Variants in SCUBE1 observed in about 807,000 individuals in gnomAD.
SCUBE1 encodes the protein signal peptide, CUB and EGF-like domain-containing protein 1.
In SCUBE1, 59 loss-of-function variants were observed where a neutral mutation model predicts 124.4. The observed-to-expected ratio is 0.47, with a 90% CI of 0.38 to 0.59. The LOEUF (loss-of-function observed/expected upper bound fraction) is 0.59, where lower values mean the gene tolerates loss of function less well. Among genes scored for constraint, SCUBE1 ranks in the 20% least tolerant of loss-of-function variants. SCUBE1 has a pLI of 0.00. For synonymous variants in SCUBE1, 545 were observed against 550.9 expected (o/e 0.99, Z 0.15); for missense variants, 1,150 against 1,371.2 (o/e 0.84, Z 2.55).
intron 3 of SCUBE1, among the ~76,000 whole-genome samples, chr22:43,315,328 A>C (rs1926307142): frequency 6.6e-6 from 1 of 151,984 alleles, no homozygotes; most frequent in Non-Finnish European, 1.5e-5. Context: ...ACAGGTCCCG[A>C]ACTATAAAAC....
intron 3 of SCUBE1, among the ~76,000 whole-genome samples, chr22:43,293,754 C>T (rs547652334): frequency 1.0e-3 from 156 of 152,336 alleles, no homozygotes; most frequent in Non-Finnish European, 6.8e-4. Context: ...TCTCAGATTC[C>T]CTGCTCTGCG....
intron 16 of SCUBE1, 133 bp from the exon 17 acceptor site, chr22:43,212,725 G>C: frequency 1.1e-6 from 1 of 873,010 alleles, no homozygotes; most frequent in Non-Finnish European, 1.7e-6. Context: ...CCTGGGGTGG[G>C]GACGGGGTGG....
intron 7 of SCUBE1, among the ~76,000 whole-genome samples, chr22:43,236,513 G>C (rs1922768313): frequency 6.6e-6 from 1 of 152,312 alleles, no homozygotes; most frequent in East Asian, 1.9e-4. Context: ...GAAAACCTGG[G>C]TGTGAGCCTC....
chr22:43,322,667 G>A (rs192532338), intron 2 of SCUBE1, among the ~76,000 whole-genome samples: 213 of 152,230 alleles, frequency 1.4e-3, no homozygotes, highest in African/African-American at 4.5e-3. Flanking sequence ...CTTCAAGCAG[G>A]TGATTCAGGG....
chr22:43,227,573 A>AAGAGGGCAAGAATCTCCTGACCCCACCG, intron 9 of SCUBE1, 77 bp from the exon 10 acceptor site: 1 of 1,563,988 alleles, frequency 6.4e-7, no homozygotes, highest in Non-Finnish European at 8.7e-7. Context: ...CACCCAGGGC[A>AAGAGGGCAAGAATCTCCTGACCCCACCG]AGAGGGCAAG....
Position 43,291,172 on chromosome 22 carries a change from C to A in SCUBE1, c.358G>T (p.Glu120Ter). 1.2e-6 allele frequency: 2 copies of A among 1,607,118 alleles called. No homozygotes were observed. The highest frequency in any genetic ancestry group is 1.7e-6 in the Non-Finnish European group (2 of 1,174,088). ...HDGHNCLDVD[E>*]CQDNNGGCQQ... Reference sequence around the variant, plus strand: ...CAGCCACCATTATTGTCCTGACACTCGTCCACATCTGTGAGAAAAGGAAGA... The same window carrying A: ...CAGCCACCATTATTGTCCTGACACTAGTCCACATCTGTGAGAAAAGGAAGA... Residue 120 changes from glutamate (E) to a stop codon, truncating the protein, a stop_gained, in exon 4 of 22, where the codon GAG (glutamate) becomes TAG (stop). Transcript: ENST00000360835. LOFTEE classifies it high-confidence loss of function.
chr22:43,214,728 C>T (rs921140160), intron 15 of SCUBE1, among the ~76,000 whole-genome samples: 3 of 152,136 alleles, frequency 2.0e-5, no homozygotes, highest in Admixed American at 6.5e-5. Context: ...GCCTGGCGGG[C>T]GAGGTGGGAG....
chr22:43,214,051 A>ACCCCCCCCC, intron 16 of SCUBE1, 39 bp downstream of exon 16: 2 of 137,780 alleles, frequency 1.5e-5, no homozygotes, highest in Non-Finnish European at 1.4e-5. Flanking sequence ...GCCCCCGCCC[A>ACCCCCCCCC]CCCCCCACCC....
chr22:43,258,578 G>A lies in SCUBE1; in HGVS notation c.611-243C>T, dbSNP rs1015179251. ...GGTGGGACAGAATGGACTTGGGGTC[G>A]TCTGGGCTTTGATCAGAGCAGGCAC... On this transcript the variant is annotated intron_variant, in intron 5 of 21. Coordinates refer to ENST00000360835, the MANE Select transcript of SCUBE1 (RefSeq NM_173050.5). The surrounding 1 kb of genome is among the most constrained non-coding windows in gnomAD (Gnocchi z 5.0). Among the ~76,000 whole-genome samples, 5 of 152,278 alleles carry A rather than the reference G, an allele frequency of 3.3e-5. No individual in the cohort carries two copies. The highest frequency in any genetic ancestry group is 1.3e-4 in the Admixed American group (2 of 15,300).
intron 7 of SCUBE1, among the ~76,000 whole-genome samples, chr22:43,236,171 C>G (rs1430369060): frequency 2.0e-5 from 3 of 152,222 alleles, no homozygotes; most frequent in African/African-American, 7.2e-5. Flanking sequence ...ACCGAGGAAC[C>G]AAACCCTGGG....
At chr22:43,291,231 C>T (rs1181975978) in intron 3 of SCUBE1, 51 bp from the exon 4 acceptor site, 1 of 1,582,636 alleles carries the variant, frequency 6.3e-7, no homozygotes, top group African/African-American at 1.3e-5. Flanking sequence ...AAGTTGGAAG[C>T]AGGGCATGAG....
rs138017785 is a variant in SCUBE1, at chr22:43,325,974, C to T, written c.221-5909G>A. 6.6e-5 allele frequency among the ~76,000 whole-genome samples: 10 copies of T among 151,022 alleles called. No individual in the cohort carries two copies. In the East Asian group the frequency reaches 1.9e-3, roughly 29 times the overall value. On this transcript the variant is annotated intron_variant, in intron 2 of 21. Coordinates refer to ENST00000360835, the MANE Select transcript of SCUBE1 (RefSeq NM_173050.5). ...TCATTTAATTCAAAATTGATTCTTG[C>T]TGCTTCATAAAATATACATTTACTC...
intron 14 of SCUBE1, among the ~76,000 whole-genome samples, chr22:43,219,480 CT>C (rs139001): frequency 2.3e-3 from 332 of 144,464 alleles, no homozygotes; most frequent in Middle Eastern, 7.1e-3. Flanking sequence ...AAAACATTTC[CT>C]TTTTTTTTTT....
intron 9 of SCUBE1, among the ~76,000 whole-genome samples, chr22:43,228,229 T>C (rs1026514493): frequency 2.6e-5 from 4 of 152,164 alleles, no homozygotes; most frequent in African/African-American, 9.7e-5. Context: ...GGCTTCCTAA[T>C]CTTCACCCAC....
In SCUBE1 at chr22:43,203,810, G is replaced by A. The variant is rs1921104335; in HGVS notation, c.*187C>T. 1 of 584,980 alleles carries A rather than the reference G, an allele frequency of 1.7e-6. No homozygotes were observed. Among genetic ancestry groups the A allele is most frequent in the African/African-American group, 1.9e-5 (1 of 52,714 alleles). The allele number at this position is 584,980 out of a possible 1,614,324, so 36.2% of individuals were successfully genotyped here. The stretch of plus-strand genomic sequence containing the variant: ...GAGGGAGGGAGGCTTCCTGAAGCAG[G>A]GTGCTCCCACAGGGGCAGCGGGTCC... On this transcript the variant is annotated 3_prime_UTR_variant, in exon 22 of 22. Coordinates refer to ENST00000360835, the MANE Select transcript of SCUBE1 (RefSeq NM_173050.5).
Position 43,327,024 on chromosome 22 carries a change from C to T in SCUBE1, c.221-6959G>A, listed in dbSNP as rs193302155. ...AATCCATGAGAACGAGAACTGTGTC[C>T]TGTGCAGCTTGAGCCTCAGAAACGA... On this transcript the variant is annotated intron_variant, in intron 2 of 21. Transcript: ENST00000360835. Among the ~76,000 whole-genome samples the T allele has an allele frequency of 5.3e-5, 8 of 152,270 alleles. No individual in the cohort carries two copies. In the East Asian group the frequency reaches 1.5e-3, roughly 29 times the overall value.
chr22:43,302,412 C>A (rs991775195), intron 3 of SCUBE1, among the ~76,000 whole-genome samples: 7 of 152,194 alleles, frequency 4.6e-5, no homozygotes, highest in Non-Finnish European at 1.5e-5. Context: ...GATCCCCTAC[C>A]GAACTACATT....
At chr22:43,331,853 G>A (rs1383493796) in intron 2 of SCUBE1, among the ~76,000 whole-genome samples, 2 of 152,206 alleles carry the variant, frequency 1.3e-5, no homozygotes, top group Non-Finnish European at 2.9e-5. Context: ...CCATGCCCCA[G>A]GGGCCGGATG....
intron 6 of SCUBE1, among the ~76,000 whole-genome samples, chr22:43,241,116 G>A (rs1033953797): frequency 2.0e-5 from 3 of 152,174 alleles, no homozygotes; most frequent in African/African-American, 7.2e-5. Flanking sequence ...TCTCTTCCCT[G>A]AAGTCCCTAA....
Sources: gnomAD v4.1 joint callset for allele counts (sites outside exome capture counted in the v4.1 genomes callset) on GRCh38, gnomAD v4.1.1 for gene constraint, Gnocchi (gnomAD v3.1) non-coding constraint, MANE v1.5 for transcripts, NCBI Gene and HGNC (gene_info 2026-07-23, HGNC 2026-07-21) for gene names.